Variants in MAML2 observed in about 807,000 individuals in gnomAD.
MAML2 encodes the protein mastermind like transcriptional coactivator 2.
Under a neutral mutation model 96.1 loss-of-function variants are expected in MAML2, and 22 were observed. The observed-to-expected ratio is 0.23, with a 90% CI of 0.16 to 0.33. The LOEUF (loss-of-function observed/expected upper bound fraction) is 0.33, where lower values mean the gene tolerates loss of function less well. Among genes scored for constraint, MAML2 ranks in the 10% least tolerant of loss-of-function variants. MAML2 has a pLI of 1.00. For synonymous variants in MAML2, 561 were observed against 521.3 expected (o/e 1.08, Z -1.04); for missense variants, 1,367 against 1,392.4 (o/e 0.98, Z 0.29).
rs564728528 is a variant in MAML2 at position 96,311,722 on chromosome 11, A to G, written c.513+29661T>C. Among the ~76,000 whole-genome samples the G allele has an allele frequency of 1.4e-4, 22 of 152,352 alleles. No homozygotes were observed. In the South Asian group the frequency reaches 4.6e-3, roughly 32 times the overall value. Reference sequence around the variant, plus strand: ...CTAACTTTGTTATAATAGGGAGAATACCTCTATGATGGTTAAGTTTCACTG... The same window carrying G: ...CTAACTTTGTTATAATAGGGAGAATGCCTCTATGATGGTTAAGTTTCACTG... On this transcript the variant is annotated intron_variant, in intron 1 of 4. Coordinates refer to ENST00000524717, the MANE Select transcript of MAML2 (RefSeq NM_032427.4).
At chr11:96,329,185 GA>G (rs1042714740) in intron 1 of MAML2, among the ~76,000 whole-genome samples, 21 of 151,326 alleles carry the variant, frequency 1.4e-4, no homozygotes, top group South Asian at 4.2e-4. Context: ...AGGATCTGGG[GA>G]AAAAAAATCA....
intron 1 of MAML2, among the ~76,000 whole-genome samples, chr11:96,279,856 T>A (rs191418494): frequency 1.3e-5 from 2 of 152,314 alleles, no homozygotes; most frequent in East Asian, 3.9e-4. Context: ...TGTCCCTGGA[T>A]GAACTGAGCA....
intron 1 of MAML2, among the ~76,000 whole-genome samples, chr11:96,178,005 C>G (rs1464988119): frequency 6.9e-6 from 1 of 145,366 alleles, no homozygotes. Flanking sequence ...CTGATGAGAT[C>G]TACAATTTTG....
At chr11:96,201,010 C>A (rs1861813261) in intron 1 of MAML2, among the ~76,000 whole-genome samples, 1 of 151,638 alleles carries the variant, frequency 6.6e-6, no homozygotes, top group Admixed American at 6.6e-5. Context: ...TGACATTTAA[C>A]TCTTGGGGGA....
At chr11:96,196,437 C>T (rs1348080839) in intron 1 of MAML2, among the ~76,000 whole-genome samples, 3 of 152,166 alleles carry the variant, frequency 2.0e-5, no homozygotes, top group East Asian at 1.9e-4. Context: ...TCCTGGATAT[C>T]GACTTTCTGA....
intron 2 of MAML2, among the ~76,000 whole-genome samples, chr11:96,041,461 C>T (rs1858807950): frequency 6.8e-6 from 1 of 146,982 alleles, no homozygotes; most frequent in Non-Finnish European, 1.5e-5. Context: ...GCCTGGGCAA[C>T]AGAGTGAGAC....
intron 1 of MAML2, among the ~76,000 whole-genome samples, chr11:96,307,034 T>C (rs1197061155): frequency 6.6e-6 from 1 of 152,216 alleles, no homozygotes; most frequent in African/African-American, 2.4e-5. Flanking sequence ...CTACACAGGA[T>C]ACTGTTCTGT....
At chr11:96,188,800 G>A (rs1430954889) in intron 1 of MAML2, among the ~76,000 whole-genome samples, 1 of 152,036 alleles carries the variant, frequency 6.6e-6, no homozygotes, top group African/African-American at 2.4e-5. Context: ...AAGGAAAAAA[G>A]CACATGTGAA....
intron 2 of MAML2, among the ~76,000 whole-genome samples, chr11:96,005,426 T>C (rs898150124): frequency 2.0e-5 from 3 of 152,226 alleles, no homozygotes; most frequent in Admixed American, 6.5e-5. Context: ...TCCACTCTAG[T>C]GCTAGAATAG....
At chr11:96,041,750 C>G (rs1261043177) in intron 2 of MAML2, among the ~76,000 whole-genome samples, 2 of 151,752 alleles carry the variant, frequency 1.3e-5, no homozygotes, top group Non-Finnish European at 2.9e-5. Context: ...TCTGAAATGC[C>G]TATTAAATCT....
At chr11:96,168,365 A>G (rs1286663971) in intron 1 of MAML2, among the ~76,000 whole-genome samples, 1 of 152,220 alleles carries the variant, frequency 6.6e-6, no homozygotes, top group East Asian at 1.9e-4. Flanking sequence ...TGTAAGATCT[A>G]TCTATCTACC....
chr11:96,295,934 G>A (rs200257065), intron 1 of MAML2, among the ~76,000 whole-genome samples: 2 of 39,596 alleles, frequency 5.1e-5, no homozygotes, highest in Non-Finnish European at 9.9e-5. Context: ...CATCAGAACA[G>A]TAAACACACA....
rs1346041208 is a variant in MAML2 at position 96,171,479 on chromosome 11, G to A, written c.514-77962C>T. Among the ~76,000 whole-genome samples, 6 of 152,078 alleles carry A rather than the reference G, an allele frequency of 3.9e-5. No individual in the cohort carries two copies. The South Asian group carries it at 1.2e-3, about 32-fold the overall frequency. ...TCCAATGAGGGCATCTCTATTCCCA[G>A]GGCCCCAGTAAAATGCTTGCATGTG... On this transcript the variant is annotated intron_variant, in intron 1 of 4. Coordinates refer to ENST00000524717, the MANE Select transcript of MAML2 (RefSeq NM_032427.4).
intron 2 of MAML2, among the ~76,000 whole-genome samples, chr11:96,000,700 T>TA (rs1858066715): frequency 6.6e-6 from 1 of 152,162 alleles, no homozygotes; most frequent in Non-Finnish European, 1.5e-5. Flanking sequence ...AAAAACAACT[T>TA]ACAGATCTTT....
intron 2 of MAML2, among the ~76,000 whole-genome samples, chr11:96,067,499 C>T (rs1449471397): frequency 2.0e-5 from 3 of 152,166 alleles, no homozygotes; most frequent in Non-Finnish European, 4.4e-5. Flanking sequence ...CCCTTTAAAA[C>T]ACAAAGTTAT....
chr11:96,206,533 G>A (rs1591072253), intron 1 of MAML2, among the ~76,000 whole-genome samples: 1 of 152,200 alleles, frequency 6.6e-6, no homozygotes, highest in Non-Finnish European at 1.5e-5. Context: ...AGGAGGCGGA[G>A]GTTGCAGTGA....
chr11:96,228,541 TAAAAATAAACAAA>T (rs908334057), intron 1 of MAML2, among the ~76,000 whole-genome samples: 1 of 152,194 alleles, frequency 6.6e-6, no homozygotes, highest in Non-Finnish European at 1.5e-5. Flanking sequence ...AGTGCCTGGC[TAAAAATAAACAAA>T]TAAAATAAGA....
chr11:96,013,455 G>C (rs1192624058), intron 2 of MAML2, among the ~76,000 whole-genome samples: 4 of 152,126 alleles, frequency 2.6e-5, no homozygotes, highest in African/African-American at 9.7e-5. Context: ...GACATGGAAT[G>C]GGGGAAGCAA....
At chr11:96,076,239 G>A (rs1451616234) in intron 2 of MAML2, among the ~76,000 whole-genome samples, 1 of 152,118 alleles carries the variant, frequency 6.6e-6, no homozygotes, top group Non-Finnish European at 1.5e-5. Context: ...ATCATGTATT[G>A]TATGCATGAG....
Sources: gnomAD v4.1 joint callset for allele counts (sites outside exome capture counted in the v4.1 genomes callset) on GRCh38, gnomAD v4.1.1 for gene constraint, MANE v1.5 for transcripts, NCBI Gene and HGNC (gene_info 2026-07-23, HGNC 2026-07-21) for gene names.